Variants in CSNK1G3 observed in about 807,000 individuals in gnomAD.
CSNK1G3 encodes casein kinase I isoform gamma-3.
Under a neutral mutation model 64.3 loss-of-function variants are expected in CSNK1G3, and 23 were observed. That is an observed-to-expected ratio of 0.36 (90% confidence interval 0.26 to 0.51). CSNK1G3 has a LOEUF of 0.51. Among genes scored for constraint, CSNK1G3 ranks in the 20% least tolerant of loss-of-function variants. The probability of loss-of-function intolerance (pLI) is 0.96; values close to 1 mark genes in which losing one functional copy is unlikely to be tolerated. For missense variants in CSNK1G3, 357 were observed against 510.5 expected (o/e 0.70, Z 2.90); for synonymous variants, 158 against 162.2 (o/e 0.97, Z 0.20).
intron 1 of CSNK1G3, among the ~76,000 whole-genome samples, chr5:123,522,216 C>G (rs1778234357): frequency 6.6e-6 from 1 of 152,020 alleles, no homozygotes. Flanking sequence ...TCATGGCTAT[C>G]AAAATCCAAG....
chr5:123,555,382 G>T (rs544332634), intron 3 of CSNK1G3, among the ~76,000 whole-genome samples: 1 of 152,124 alleles, frequency 6.6e-6, no homozygotes, highest in South Asian at 2.1e-4. Flanking sequence ...ATATCTGTTT[G>T]TGCCAGATAA....
At position 123,567,991 on chromosome 5, in the gene CSNK1G3, A is replaced by G. The variant is rs554500912; in HGVS notation, c.290-5402A>G. ...CTGGTTGTGGAAACGTTTTCCCTGC[A>G]AAAGGTTGTCAAGATGCTTGAAGAA... is the stretch of plus-strand genomic sequence containing the variant. On this transcript the variant is annotated intron_variant, in intron 4 of 12. Transcript: ENST00000345990. Among the ~76,000 whole-genome samples, 55 of 152,342 alleles carry G rather than the reference A, an allele frequency of 3.6e-4. 1 individual carries two copies. Among genetic ancestry groups the G allele is most frequent in the Non-Finnish European group, 6.0e-4 (41 of 68,032 alleles).
intron 4 of CSNK1G3, among the ~76,000 whole-genome samples, chr5:123,569,517 A>G (rs181965845): frequency 1.1e-4 from 16 of 152,342 alleles, no homozygotes; most frequent in Admixed American, 9.8e-4. Flanking sequence ...TGAGTTATGC[A>G]TGTATTTCAA....
chr5:123,547,339 T>C (rs1581046607), intron 2 of CSNK1G3, among the ~76,000 whole-genome samples: 1 of 152,262 alleles, frequency 6.6e-6, no homozygotes, highest in East Asian at 1.9e-4. Context: ...ATTCAGAATC[T>C]GATTCATATA....
chr5:123,538,993 T>G (rs1393253183), intron 1 of CSNK1G3, among the ~76,000 whole-genome samples: 1 of 152,182 alleles, frequency 6.6e-6, no homozygotes, highest in Non-Finnish European at 1.5e-5. Flanking sequence ...ATGATCCATT[T>G]CAAATTATTA....
chr5:123,581,411 G>T (rs1360526563), intron 6 of CSNK1G3, among the ~76,000 whole-genome samples: 1 of 55,064 alleles, frequency 1.8e-5, no homozygotes, highest in African/African-American at 6.9e-5. Context: ...CTTACTTTTT[G>T]ATAGTGTGTG....
intron 4 of CSNK1G3, among the ~76,000 whole-genome samples, chr5:123,562,387 T>C (rs1173539825): frequency 6.6e-6 from 1 of 152,148 alleles, no homozygotes; most frequent in East Asian, 1.9e-4. Flanking sequence ...GATAATGATA[T>C]GTTCATCTTT....
chr5:123,587,688 T>A (rs1461419974), intron 6 of CSNK1G3, among the ~76,000 whole-genome samples: 1 of 152,178 alleles, frequency 6.6e-6, no homozygotes, highest in Non-Finnish European at 1.5e-5. Flanking sequence ...GTTAAACATT[T>A]TAAATTCTAG....
chr5:123,611,920 T>G (rs1796401522), intron 12 of CSNK1G3, among the ~76,000 whole-genome samples: 1 of 152,218 alleles, frequency 6.6e-6, no homozygotes, highest in African/African-American at 2.4e-5. Context: ...TCATTTGGAG[T>G]AAAGGATTTT....
intron 1 of CSNK1G3, among the ~76,000 whole-genome samples, chr5:123,543,366 A>G (rs1482431944): frequency 7.9e-5 from 12 of 151,860 alleles, no homozygotes; most frequent in African/African-American, 1.9e-4. Flanking sequence ...CTGAATAGGA[A>G]CTTTAGAGTC....
intron 4 of CSNK1G3, among the ~76,000 whole-genome samples, chr5:123,562,462 C>CT (rs1785944704): frequency 2.6e-5 from 4 of 152,080 alleles, no homozygotes; most frequent in South Asian, 4.1e-4. Context: ...AGAATAAATT[C>CT]TTAACTAACA....
At chr5:123,588,606 A>AG in intron 8 of CSNK1G3, 95 bp downstream of exon 8, 1 of 791,344 alleles carries the variant, frequency 1.3e-6, no homozygotes, top group Non-Finnish European at 2.1e-6. Flanking sequence ...TCTATGCTTA[A>AG]AAAAAAAAGA....
chr5:123,609,011 T>C (rs11241705), intron 12 of CSNK1G3, among the ~76,000 whole-genome samples: 57,305 of 151,978 alleles, frequency 0.38, 11,863 homozygotes, highest in East Asian at 0.66. Flanking sequence ...ATGAGAATGA[T>C]TTGGCAAGGG....
intron 1 of CSNK1G3, among the ~76,000 whole-genome samples, chr5:123,514,236 C>T (rs1483728494): frequency 1.3e-5 from 2 of 152,106 alleles, no homozygotes; most frequent in Non-Finnish European, 2.9e-5. Flanking sequence ...AAACGATTGT[C>T]TTTACTGATG....
intron 6 of CSNK1G3, among the ~76,000 whole-genome samples, chr5:123,581,104 A>G (rs1368641215): frequency 6.6e-6 from 1 of 151,838 alleles, no homozygotes; most frequent in Non-Finnish European, 1.5e-5. Context: ...TTTGCAGTTT[A>G]AAAACATGTA....
chr5:123,532,622 A>G (rs1362294867), intron 1 of CSNK1G3, among the ~76,000 whole-genome samples: 1 of 151,862 alleles, frequency 6.6e-6, no homozygotes, highest in African/African-American at 2.4e-5. Context: ...AGCTGTCTCC[A>G]CTATTATTGA....
chr5:123,520,940 A>T (rs960359650), intron 1 of CSNK1G3, among the ~76,000 whole-genome samples: 1 of 152,006 alleles, frequency 6.6e-6, no homozygotes, highest in Admixed American at 6.6e-5. Flanking sequence ...CTTATTTTAT[A>T]TTCTAGCAAT....
chr5:123,565,816 A>G (rs953383870), intron 4 of CSNK1G3, among the ~76,000 whole-genome samples: 1 of 152,102 alleles, frequency 6.6e-6, no homozygotes, highest in Non-Finnish European at 1.5e-5. Context: ...GGGGAGGTGC[A>G]ACACACTTTT....
chr5:123,567,247 G>C (rs549682491), intron 4 of CSNK1G3, among the ~76,000 whole-genome samples: 2 of 152,238 alleles, frequency 1.3e-5, no homozygotes, highest in Non-Finnish European at 1.5e-5. Flanking sequence ...TGGGAGTTAC[G>C]ATTCAAGATG....
Sources: gnomAD v4.1 joint callset for allele counts (sites outside exome capture counted in the v4.1 genomes callset) on GRCh38, gnomAD v4.1.1 for gene constraint, MANE v1.5 for transcripts, NCBI Gene and HGNC (gene_info 2026-07-23, HGNC 2026-07-21) for gene names.